Variants in TMEM272 observed in about 807,000 individuals in gnomAD.
The protein encoded by TMEM272 is long intergenic non-protein coding RNA 282.
Under a neutral mutation model 3.7 loss-of-function variants are expected in TMEM272, and 8 were observed. That is an observed-to-expected ratio of 2.17 (90% confidence interval 1.27 to 3.91). The LOEUF is 3.91. Ranked by LOEUF, TMEM272 falls within the 30% of genes most tolerant of loss-of-function variation. The pLI is 0.00. For missense variants in TMEM272, 166 were observed against 91.5 expected (o/e 1.81, Z -3.32); for synonymous variants, 63 against 39.8 (o/e 1.58, Z -2.20).
the TMEM272 span, among the ~76,000 whole-genome samples, chr13:51,897,245 GGGTCTTGCT>G: frequency 2.0e-5 from 3 of 151,994 alleles, no homozygotes; most frequent in Non-Finnish European, 4.4e-5. Flanking sequence ...TTTGGAGACA[GGGTCTTGCT>G]GTGGTGCCAT....
At chr13:51,830,595 C>T (rs890342195) in intron 2 of TMEM272, among the ~76,000 whole-genome samples, 5 of 152,134 alleles carry the variant, frequency 3.3e-5, no homozygotes, top group Admixed American at 6.5e-5. Flanking sequence ...TAATAAACAC[C>T]GATAAATGCT....
the TMEM272 span, among the ~76,000 whole-genome samples, chr13:51,869,115 G>C: frequency 6.6e-6 from 1 of 152,216 alleles, no homozygotes; most frequent in Non-Finnish European, 1.5e-5. Flanking sequence ...AGTTTAGATA[G>C]AGAAGGCATC....
chr13:51,889,282 T>C, the TMEM272 span, among the ~76,000 whole-genome samples: 1 of 152,216 alleles, frequency 6.6e-6, no homozygotes, highest in Non-Finnish European at 1.5e-5. Context: ...ATGGAATGAA[T>C]TGTGTCCTTC....
At chr13:51,817,688 T>G (rs959237705) in intron 4 of TMEM272, among the ~76,000 whole-genome samples, 1 of 142,724 alleles carries the variant, frequency 7.0e-6, no homozygotes, top group Non-Finnish European at 1.5e-5. Flanking sequence ...CCACTGCCCA[T>G]CTCAGGCATC....
chr13:51,894,547 T>C, the TMEM272 span, among the ~76,000 whole-genome samples: 1 of 152,220 alleles, frequency 6.6e-6, no homozygotes, highest in African/African-American at 2.4e-5. Flanking sequence ...AGCTAAGTTC[T>C]GTAAATCTGA....
chr13:51,918,112 TCTC>T, the TMEM272 span, among the ~76,000 whole-genome samples: 1 of 152,192 alleles, frequency 6.6e-6, no homozygotes, highest in Non-Finnish European at 1.5e-5. Context: ...TGATCTTCCT[TCTC>T]CTCTTTACCA....
chr13:51,892,830 G>T, the TMEM272 span, among the ~76,000 whole-genome samples: 1 of 152,038 alleles, frequency 6.6e-6, no homozygotes, highest in African/African-American at 2.4e-5. Flanking sequence ...TCCTAGCAGT[G>T]GTAATGGCTT....
chr13:51,825,720 C>G (rs530708314), intron 3 of TMEM272, among the ~76,000 whole-genome samples: 1 of 151,618 alleles, frequency 6.6e-6, no homozygotes, highest in African/African-American at 2.4e-5. Context: ...CTCAGTCCCC[C>G]GAGTAGCTGG....
chr13:51,859,628 A>G, the TMEM272 span, among the ~76,000 whole-genome samples: 1 of 152,080 alleles, frequency 6.6e-6, no homozygotes, highest in African/African-American at 2.4e-5. Flanking sequence ...TAAGCTAATA[A>G]GCAGACTTTA....
the TMEM272 span, chr13:51,865,818 G>A: frequency 1.3e-4 from 206 of 1,614,210 alleles, no homozygotes; most frequent in Admixed American, 2.5e-4. Flanking sequence ...GAAAGAGACC[G>A]GAACCTTCTT....
rs1206571062 is a variant in TMEM272 at position 51,815,528 on chromosome 13, A to C, written c.*1223T>G. ...TGGTTTGATGAGAAAGCACGAAAAC[A>C]TAACAAAGTTAAAAAATAAACACAG... On this transcript the variant is annotated 3_prime_UTR_variant, in exon 5 of 5. Coordinates refer to ENST00000629372, the MANE Select transcript of TMEM272 (RefSeq NM_001351003.2). 1 of 152,470 alleles carries C rather than the reference A, an allele frequency of 6.6e-6. No homozygotes were observed. Among genetic ancestry groups the C allele is most frequent in the East Asian group, 1.9e-4 (1 of 5,188 alleles). The allele number at this position is 152,470 out of a possible 1,614,324, so 9.4% of individuals were successfully genotyped here.
the TMEM272 span, among the ~76,000 whole-genome samples, chr13:51,875,944 G>A: frequency 1.3e-5 from 2 of 152,170 alleles, no homozygotes; most frequent in African/African-American, 4.8e-5. Flanking sequence ...CCTCCCTTCT[G>A]GGTCTTCACC....
chr13:51,924,940 G>A, the TMEM272 span, among the ~76,000 whole-genome samples: 1 of 152,152 alleles, frequency 6.6e-6, no homozygotes, highest in Non-Finnish European at 1.5e-5. Flanking sequence ...CAGTATGTTT[G>A]GGAAATGCGG....
At chr13:51,842,744 C>A (rs992712620) in intron 1 of TMEM272, among the ~76,000 whole-genome samples, 1 of 152,184 alleles carries the variant, frequency 6.6e-6, no homozygotes, top group African/African-American at 2.4e-5. Context: ...AGCATTCTTT[C>A]TGTTACCATT....
chr13:51,858,250 G>A, the TMEM272 span, among the ~76,000 whole-genome samples: 1 of 152,150 alleles, frequency 6.6e-6, no homozygotes, highest in Non-Finnish European at 1.5e-5. Flanking sequence ...TTCAGACATA[G>A]AGAGAGAGAA....
At chr13:51,843,071 G>A (rs1369109932) in intron 1 of TMEM272, among the ~76,000 whole-genome samples, 1 of 152,208 alleles carries the variant, frequency 6.6e-6, no homozygotes, top group African/African-American at 2.4e-5. Context: ...GTGGCTGAAA[G>A]ACTAATGCAT....
chr13:51,910,043 G>GCCAAAATGACCTTCAA, the TMEM272 span: 1 of 1,408,604 alleles, frequency 7.1e-7, no homozygotes, highest in Non-Finnish European at 1.0e-6. Flanking sequence ...ATCCCTTGAA[G>GCCAAAATGACCTTCAA]GTCATTTTGG....
chr13:51,880,868 C>T, the TMEM272 span, among the ~76,000 whole-genome samples: 1 of 152,058 alleles, frequency 6.6e-6, no homozygotes, highest in Non-Finnish European at 1.5e-5. Context: ...GATGAGTGCA[C>T]CAAAATCTCA....
chr13:51,836,882 G>A (rs969620906), intron 2 of TMEM272, among the ~76,000 whole-genome samples: 1 of 152,218 alleles, frequency 6.6e-6, no homozygotes, highest in African/African-American at 2.4e-5. Flanking sequence ...AGTGAGAAGG[G>A]AAGAAGAAAG....
Sources: gnomAD v4.1 joint callset for allele counts (sites outside exome capture counted in the v4.1 genomes callset) on GRCh38, gnomAD v4.1.1 for gene constraint, MANE v1.5 for transcripts, NCBI Gene and HGNC (gene_info 2026-07-23, HGNC 2026-07-21) for gene names.